The following EDAR variants were observed in gnomAD, a reference collection of about 807,000 sequenced individuals.
EDAR encodes the protein ectodysplasin A receptor.
A neutral mutation model predicts 51.3 loss-of-function variants in EDAR; 38 were observed. That is an observed-to-expected ratio of 0.74 (90% CI 0.57 to 0.97). EDAR has a LOEUF of 0.97. Among genes scored for constraint, EDAR ranks in the 50% least tolerant of loss-of-function variants. EDAR has a pLI of 0.00. For missense variants in EDAR, 528 were observed against 595.0 expected (o/e 0.89, Z 1.17); for synonymous variants, 227 against 242.1 (o/e 0.94, Z 0.58).
chr2:108,894,599 A>G lies in EDAR; in HGVS notation c.*2308T>C, dbSNP rs1696544822. 6.6e-6 allele frequency: 1 copy of G among 152,508 alleles called. No individual in the cohort carries two copies. The highest frequency in any genetic ancestry group is 2.4e-5 in the African/African-American group (1 of 41,438). The allele number at this position is 152,508 out of a possible 1,614,324, so 9.4% of individuals were successfully genotyped here. A position where few individuals can be genotyped will look rare whatever the true frequency, so the allele number is the denominator to read the frequency against. On this transcript the variant is annotated 3_prime_UTR_variant, in exon 12 of 12. Transcript: ENST00000258443. ...ACAGACCTACCCTGGGGTGTTTTCTAAATGTTTTAAAGTATTGCAGAATTA... is the reference window on the plus strand; with the variant it reads ...ACAGACCTACCCTGGGGTGTTTTCTGAATGTTTTAAAGTATTGCAGAATTA...
At chr2:108,913,495 G>A (rs1468445383) in intron 5 of EDAR, among the ~76,000 whole-genome samples, 1 of 151,504 alleles carries the variant, frequency 6.6e-6, no homozygotes, top group Non-Finnish European at 1.5e-5. Context: ...AGTCATAAAA[G>A]TAATATATGC....
rs547495545 is a variant in EDAR at position 108,924,940 on chromosome 2, C to T, written c.357-1487G>A. Among the ~76,000 whole-genome samples the T allele has an allele frequency of 2.6e-5, 4 of 152,352 alleles. No individual in the cohort carries two copies. The South Asian group carries it at 6.2e-4, about 24-fold the overall frequency. Reference sequence around the variant, plus strand: ...GCAGCTTTCTAACGTCCCTGGCCCACGCTGACACTTCTGAGAAACATCTCA... The same window carrying T: ...GCAGCTTTCTAACGTCCCTGGCCCATGCTGACACTTCTGAGAAACATCTCA... On this transcript the variant is annotated intron_variant, in intron 4 of 11. Transcript: ENST00000258443.
At chr2:108,919,064 T>A (rs1697080676) in intron 5 of EDAR, among the ~76,000 whole-genome samples, 1 of 151,958 alleles carries the variant, frequency 6.6e-6, no homozygotes, top group Admixed American at 6.6e-5. Flanking sequence ...GCTCAGCGGG[T>A]CCCTGGAGAT....
intron 1 of EDAR, among the ~76,000 whole-genome samples, chr2:108,974,252 C>A (rs1442921974): frequency 2.1e-5 from 3 of 141,266 alleles, no homozygotes; most frequent in African/African-American, 5.2e-5. Context: ...ATGGCATGAA[C>A]CCGGGAGGCG....
intron 1 of EDAR, among the ~76,000 whole-genome samples, chr2:108,987,786 G>A (rs1163868955): frequency 2.0e-5 from 3 of 152,188 alleles, no homozygotes; most frequent in Non-Finnish European, 2.9e-5. Context: ...TCATCGGAAC[G>A]AACGCTTATT....
Position 108,912,776 on chromosome 2 carries a change from AT to A in EDAR, c.443-13del. The stretch of plus-strand genomic sequence containing the variant: ...AGTGGCTCCCACACCTGCAAGGAAA[AT>A]AGAGTCCCTCAAATGATCCAGAGAA... On this transcript the variant is annotated splice_polypyrimidine_tract_variant and intron_variant, in intron 5 of 11. Transcript: ENST00000258443. 1 of 1,579,046 alleles carries A rather than the reference AT, an allele frequency of 6.3e-7. No homozygotes were observed. Among genetic ancestry groups the A allele is most frequent in the Non-Finnish European group, 8.6e-7 (1 of 1,162,160 alleles).
intron 8 of EDAR, 111 bp downstream of exon 8, chr2:108,910,665 G>T: frequency 7.0e-7 from 1 of 1,435,814 alleles, no homozygotes; most frequent in Non-Finnish European, 9.8e-7. Flanking sequence ...GGTAAGCACA[G>T]TATGGTTCAG....
intron 4 of EDAR, among the ~76,000 whole-genome samples, chr2:108,926,752 C>G (rs1251100007): frequency 2.6e-5 from 4 of 152,244 alleles, no homozygotes; most frequent in African/African-American, 9.6e-5. Context: ...GAGGGCGGAG[C>G]ATCAGGAGAA....
rs930043367 is a variant in EDAR at position 108,923,397 on chromosome 2, C to T, written c.413G>A (p.Cys138Tyr). The change falls in exon 5 of 12, where the codon TGC (cysteine) becomes TAC (tyrosine). Residue 138 changes from cysteine (C) to tyrosine (Y), a missense_variant. Coordinates refer to ENST00000258443, the MANE Select transcript of EDAR (RefSeq NM_022336.4). ...RNIYGMVCYS[C>Y]LLAPPNTKEC... The stretch of plus-strand genomic sequence containing the variant: ...CTTGGTGTTGGGGGGTGCCAGGAGG[C>T]AGGAGTAGCAGACCATGCCATAGAT... 1.2e-6 allele frequency: 2 copies of T among 1,614,100 alleles called. No individual in the cohort carries two copies. The highest frequency in any genetic ancestry group is 1.3e-5 in the African/African-American group (1 of 74,920).
At chr2:108,952,595 C>A (rs1043172610) in intron 1 of EDAR, among the ~76,000 whole-genome samples, 4 of 152,218 alleles carry the variant, frequency 2.6e-5, no homozygotes, top group African/African-American at 9.7e-5. Context: ...TGCTGAGATT[C>A]TCCATCTGTT....
chr2:108,923,272 T>C, intron 5 of EDAR, 96 bp downstream of exon 5: 2 of 1,199,552 alleles, frequency 1.7e-6, no homozygotes, highest in Non-Finnish European at 2.5e-6. Flanking sequence ...ATTCACCTTG[T>C]CCAGGTGCCA....
At chr2:108,913,879 G>A (rs1696978707) in intron 5 of EDAR, among the ~76,000 whole-genome samples, 1 of 151,528 alleles carries the variant, frequency 6.6e-6, no homozygotes, top group Admixed American at 6.6e-5. Flanking sequence ...GAACCCAGGA[G>A]GCGGAGCTTG....
At chr2:108,986,164 T>G (rs909345995) in intron 1 of EDAR, among the ~76,000 whole-genome samples, 16 of 151,442 alleles carry the variant, frequency 1.1e-4, no homozygotes, top group Admixed American at 5.3e-4. Flanking sequence ...CCATTTTGAG[T>G]TTTTTTTTAG....
intron 4 of EDAR, among the ~76,000 whole-genome samples, chr2:108,925,538 C>T (rs1172912076): frequency 6.6e-6 from 1 of 152,216 alleles, no homozygotes; most frequent in Non-Finnish European, 1.5e-5. Flanking sequence ...GGCTGGCCAC[C>T]CTCATCTGTG....
chr2:108,963,425 A>T (rs1357782115), intron 1 of EDAR, among the ~76,000 whole-genome samples: 20 of 152,182 alleles, frequency 1.3e-4, no homozygotes, highest in Non-Finnish European at 1.0e-4. Flanking sequence ...AAGGACATTT[A>T]AAAAAATTGA....
intron 11 of EDAR, among the ~76,000 whole-genome samples, chr2:108,898,256 A>G (rs1696637209): frequency 1.3e-5 from 2 of 152,186 alleles, no homozygotes; most frequent in African/African-American, 4.8e-5. Context: ...AAGGCCATGT[A>G]GGGAGCTGGG....
intron 1 of EDAR, among the ~76,000 whole-genome samples, chr2:108,985,677 C>T (rs1698486328): frequency 6.6e-6 from 1 of 152,172 alleles, no homozygotes; most frequent in Non-Finnish European, 1.5e-5. Flanking sequence ...AGTGTGTTTG[C>T]CACCCTTGGG....
intron 1 of EDAR, among the ~76,000 whole-genome samples, chr2:108,937,531 GTGTA>G (rs1211938193): frequency 3.1e-4 from 47 of 152,000 alleles, no homozygotes; most frequent in South Asian, 8.3e-4. Context: ...GTGTAGGTGA[GTGTA>G]TGTGTGTGAG....
intron 10 of EDAR, 78 bp from the exon 11 acceptor site, chr2:108,906,446 G>C: frequency 6.7e-7 from 1 of 1,499,114 alleles, no homozygotes; most frequent in Non-Finnish European, 9.3e-7. Context: ...ATGTCAGCAG[G>C]GGCAGGCAGC....
Sources: allele counts gnomAD v4.1 joint callset (sites outside exome capture counted in the v4.1 genomes callset), GRCh38; gene constraint gnomAD v4.1.1; transcripts MANE v1.5; gene names NCBI Gene and HGNC (gene_info 2026-07-23, HGNC 2026-07-21).